The following SPIRE1 variants were observed in gnomAD, a reference collection of about 807,000 sequenced individuals.
The protein encoded by SPIRE1 is protein spire homolog 1.
A neutral mutation model predicts 94.1 loss-of-function variants in SPIRE1; 40 were observed. The observed-to-expected ratio is 0.43, with a 90% confidence interval of 0.33 to 0.55. The LOEUF is 0.55. Among genes scored for constraint, SPIRE1 ranks in the 20% least tolerant of loss-of-function variants. The pLI, the probability that SPIRE1 is intolerant of heterozygous loss-of-function variation, is 0.06. For synonymous variants in SPIRE1, 376 were observed against 371.7 expected (o/e 1.01, Z -0.13); for missense variants, 838 against 975.2 (o/e 0.86, Z 1.87).
chr18:12,602,724 C>G (rs1427457524), intron 2 of SPIRE1, among the ~76,000 whole-genome samples: 1 of 152,156 alleles, frequency 6.6e-6, no homozygotes, highest in Non-Finnish European at 1.5e-5. Context: ...AAGGCTGGGG[C>G]AAACCTTTCC....
rs145412126 is a variant in SPIRE1 at position 12,535,726 on chromosome 18, G to A, written c.604-125C>T. 1,883 of 734,480 alleles carry A rather than the reference G, an allele frequency of 2.6e-3. 10 individuals carry two copies. The highest frequency in any genetic ancestry group is 0.01 in the Middle Eastern group (40 of 3,812). The allele number at this position is 734,480 out of a possible 1,614,324, so 45.5% of individuals were successfully genotyped here. A position where few individuals can be genotyped will look rare whatever the true frequency, so the allele number is the denominator to read the frequency against. ...AATCCCAGCACTTTGGGAGGCCAAC[G>A]CAGGCAGATCATGAGGTCGAGAGTT... On this transcript the variant is annotated intron_variant, in intron 3 of 16. Transcript: ENST00000409402.
intron 2 of SPIRE1, among the ~76,000 whole-genome samples, chr18:12,567,761 C>A (rs548184182): frequency 2.6e-5 from 4 of 152,272 alleles, no homozygotes; most frequent in African/African-American, 9.6e-5. Context: ...GGAAATGGCT[C>A]AAGTATGGGA....
At chr18:12,558,527 GCCCCACTCACAT>G (rs1246928300) in intron 2 of SPIRE1, among the ~76,000 whole-genome samples, 1 of 152,138 alleles carries the variant, frequency 6.6e-6, no homozygotes, top group Non-Finnish European at 1.5e-5. Context: ...CTCTTATCTG[GCCCCACTCACAT>G]CCTGCTGATT....
chr18:12,577,116 C>T (rs2036127051), intron 2 of SPIRE1, among the ~76,000 whole-genome samples: 1 of 152,044 alleles, frequency 6.6e-6, no homozygotes, highest in Admixed American at 6.5e-5. Flanking sequence ...GCCCAGACCC[C>T]TGCCTCATAC....
chr18:12,630,395 C>T (rs937788262), intron 2 of SPIRE1, among the ~76,000 whole-genome samples: 1 of 152,186 alleles, frequency 6.6e-6, no homozygotes, highest in Non-Finnish European at 1.5e-5. Context: ...CACAGTGGCT[C>T]GTGCCTGTAA....
intron 2 of SPIRE1, among the ~76,000 whole-genome samples, chr18:12,566,884 G>GAT (rs2035834210): frequency 1.3e-5 from 2 of 152,072 alleles, no homozygotes; most frequent in Non-Finnish European, 2.9e-5. Context: ...AGCAGAAAAA[G>GAT]ATACTATGAG....
intron 2 of SPIRE1, among the ~76,000 whole-genome samples, chr18:12,634,675 C>T (rs1322797477): frequency 6.6e-6 from 1 of 152,126 alleles, no homozygotes; most frequent in Non-Finnish European, 1.5e-5. Flanking sequence ...TGACTCATGC[C>T]TATAATCCCA....
At chr18:12,527,714 T>C (rs1359722716) in intron 4 of SPIRE1, among the ~76,000 whole-genome samples, 3 of 152,148 alleles carry the variant, frequency 2.0e-5, no homozygotes, top group Non-Finnish European at 4.4e-5. Flanking sequence ...TCCTGGCTCC[T>C]GATAACTCCA....
At chr18:12,484,836 T>C (rs890767670) in intron 9 of SPIRE1, among the ~76,000 whole-genome samples, 2 of 152,200 alleles carry the variant, frequency 1.3e-5, no homozygotes, top group Non-Finnish European at 2.9e-5. Flanking sequence ...GGTTGGTGAA[T>C]TGCTTGAGCC....
intron 2 of SPIRE1, among the ~76,000 whole-genome samples, chr18:12,614,916 C>T (rs907171278): frequency 3.3e-5 from 5 of 152,002 alleles, no homozygotes; most frequent in East Asian, 1.9e-4. Context: ...TGGCCAGGCC[C>T]GGTGGCTCAT....
At chr18:12,660,160 A>C (rs913048891), upstream of SPIRE1, among the ~76,000 whole-genome samples, 1 of 152,192 alleles carries the variant, frequency 6.6e-6, no homozygotes, top group Non-Finnish European at 1.5e-5. Flanking sequence ...TGAGGAATCT[A>C]TGAGCCATTA....
intron 2 of SPIRE1, among the ~76,000 whole-genome samples, chr18:12,619,200 AAAACAATTTTTAAAAAT>A (rs1443635252): frequency 1.3e-5 from 2 of 152,142 alleles, no homozygotes; most frequent in African/African-American, 4.8e-5. Flanking sequence ...CCAGTCCACA[AAAACAATTTTTAAAAAT>A]AAACAGCAAG....
At chr18:12,658,380 G>A (rs1424744881), upstream of SPIRE1, 2 of 401,070 alleles carry the variant, frequency 5.0e-6, no homozygotes, top group East Asian at 7.7e-5. Flanking sequence ...GGGGATGCGC[G>A]GCCGGGTAGG....
chr18:12,535,657 T>C, intron 3 of SPIRE1, 56 bp from the exon 4 acceptor site: 1 of 1,546,698 alleles, frequency 6.5e-7, no homozygotes, highest in Non-Finnish European at 8.8e-7. Flanking sequence ...GTTTTTTTTG[T>C]ACTTAAAAAC....
intron 1 of SPIRE1, among the ~76,000 whole-genome samples, chr18:12,652,796 C>G (rs946143467): frequency 6.6e-5 from 10 of 152,174 alleles, no homozygotes; most frequent in Non-Finnish European, 1.0e-4. Flanking sequence ...TAACCATTCT[C>G]AGATGTATCA....
At chr18:12,466,583 A>G (rs905477442) in intron 10 of SPIRE1, among the ~76,000 whole-genome samples, 113 of 152,316 alleles carry the variant, frequency 7.4e-4, no homozygotes, top group African/African-American at 2.5e-3. Context: ...TCCAGCCTAT[A>G]GGCATTTTTA....
At chr18:12,529,347 C>T (rs982400759) in intron 4 of SPIRE1, among the ~76,000 whole-genome samples, 1 of 148,050 alleles carries the variant, frequency 6.8e-6, no homozygotes, top group Non-Finnish European at 1.5e-5. Context: ...CCAGCTTAGA[C>T]GACAGAGCAA....
chr18:12,454,585 G>A, intron 12 of SPIRE1, 102 bp from the exon 13 acceptor site: 2 of 1,112,466 alleles, frequency 1.8e-6, no homozygotes. Context: ...CTTCAGAGAA[G>A]AGAACAGGTT....
intron 10 of SPIRE1, among the ~76,000 whole-genome samples, chr18:12,476,597 A>T (rs2032607600): frequency 7.0e-6 from 1 of 141,962 alleles, no homozygotes; most frequent in South Asian, 2.2e-4. Context: ...ATACACACAC[A>T]CACACACACA....
Sources: allele counts gnomAD v4.1 joint callset (sites outside exome capture counted in the v4.1 genomes callset), GRCh38; gene constraint gnomAD v4.1.1; transcripts MANE v1.5; gene names NCBI Gene and HGNC (gene_info 2026-07-23, HGNC 2026-07-21).